CIB3: variants seen among roughly 807,000 people sequenced by gnomAD.
The protein encoded by CIB3 is calcium and integrin-binding family member 3.
A neutral mutation model predicts 23.4 loss-of-function variants in CIB3; 22 were observed. The observed-to-expected ratio is 0.94, with a 90% confidence interval of 0.67 to 1.34. The LOEUF is 1.34. CIB3 is among the 40% of genes most tolerant of loss of function. The pLI is 0.00. For synonymous variants in CIB3, 93 were observed against 95.8 expected (o/e 0.97, Z 0.17); for missense variants, 258 against 247.3 (o/e 1.04, Z -0.29).
chr19:16,169,985 A>G (rs1339044305), intron 2 of CIB3, among the ~76,000 whole-genome samples: 1 of 152,090 alleles, frequency 6.6e-6, no homozygotes, highest in Non-Finnish European at 1.5e-5. Flanking sequence ...TATTTTTAGT[A>G]GCGACGGGGT....
chr19:16,171,164 TAAAA>T (rs1036046377), intron 2 of CIB3, among the ~76,000 whole-genome samples: 3 of 132,938 alleles, frequency 2.3e-5, no homozygotes, highest in Non-Finnish European at 5.0e-5. Context: ...AAATAAAAAA[TAAAA>T]AAGAAAGAAA....
chr19:16,169,787 A>G (rs565384319), intron 2 of CIB3, 46 bp from the exon 3 acceptor site: 58 of 1,498,138 alleles, frequency 3.9e-5, no homozygotes, highest in Non-Finnish European at 5.1e-5. Context: ...AGCAGGGAGC[A>G]GGCAAGACGC....
intron 4 of CIB3, 61 bp from the exon 5 acceptor site, chr19:16,164,974 G>T (rs2091300162): frequency 2.1e-6 from 3 of 1,421,940 alleles, no homozygotes; most frequent in African/African-American, 2.8e-5. Context: ...CCGGCTGTGG[G>T]CACATACTGT....
chr19:16,163,443 T>C (rs1171176036), intron 5 of CIB3, among the ~76,000 whole-genome samples: 2 of 152,020 alleles, frequency 1.3e-5, no homozygotes, highest in African/African-American at 4.8e-5. Flanking sequence ...TAATCCCAGC[T>C]ACTCGGGAGG....
chr19:16,171,031 C>T (rs552804531), intron 2 of CIB3, among the ~76,000 whole-genome samples: 129 of 149,354 alleles, frequency 8.6e-4, no homozygotes, highest in African/African-American at 3.0e-3. Flanking sequence ...CCAGCTACTC[C>T]GGAGGCTGAG....
intron 4 of CIB3, 31 bp downstream of exon 4, chr19:16,168,106 A>T: frequency 7.2e-7 from 1 of 1,395,074 alleles, no homozygotes; most frequent in Non-Finnish European, 9.7e-7. Flanking sequence ...CCCCATCCCC[A>T]TGCTTCCCAA....
intron 4 of CIB3, among the ~76,000 whole-genome samples, chr19:16,166,159 C>T (rs911494775): frequency 3.3e-5 from 5 of 151,970 alleles, no homozygotes; most frequent in African/African-American, 9.7e-5. Flanking sequence ...GGGCGTGGTG[C>T]GGGTGCCTGT....
At chr19:16,161,715 T>C (rs2091285793) in intron 5 of CIB3, among the ~76,000 whole-genome samples, 2 of 141,958 alleles carry the variant, frequency 1.4e-5, no homozygotes, top group Non-Finnish European at 3.0e-5. Context: ...TCTTGCTCTG[T>C]CTCCCAGGCT....
chr19:16,168,401 C>A, intron 3 of CIB3, 117 bp from the exon 4 acceptor site: 2 of 1,353,114 alleles, frequency 1.5e-6, no homozygotes, highest in South Asian at 1.4e-5. Context: ...TCCATCAAGA[C>A]CCACTCCCTC....
In CIB3 at chr19:16,164,737, G is replaced by A. The variant is rs199903417; in HGVS notation, c.523C>T (p.Arg175Trp). ...CATCACCTGAGGAAGTCTGGTGCCCGGAGGATCATGTTCTGGAAATCTTCC... is the reference window on the plus strand; with the variant it reads ...CATCACCTGAGGAAGTCTGGTGCCCAGAGGATCATGTTCTGGAAATCTTCC... ...SLEDFQNMIL[R>W]APDFLSTFHI... The change falls in exon 5 of 6, where the codon CGG becomes TGG. Residue 175 changes from arginine to tryptophan, a missense_variant. Arg to Trp is a moderately radical substitution (Grantham distance 101, BLOSUM62 -3). Transcript: ENST00000269878. 2.4e-5 allele frequency: 39 copies of A among 1,613,926 alleles called. No homozygotes were observed. Among genetic ancestry groups the A allele is most frequent in the Admixed American group, 2.0e-4 (12 of 59,964 alleles).
chr19:16,173,119 A>G, intron 2 of CIB3, 43 bp downstream of exon 2: 1 of 1,613,106 alleles, frequency 6.2e-7, no homozygotes, highest in African/African-American at 1.3e-5. Flanking sequence ...ATGAATAGAA[A>G]GTTGTTTTTC....
chr19:16,171,257 T>G (rs931082733), intron 2 of CIB3, among the ~76,000 whole-genome samples: 15 of 152,134 alleles, frequency 9.9e-5, no homozygotes, highest in African/African-American at 3.6e-4. Flanking sequence ...AGTCACATTT[T>G]TTCTAAAGGG....
At chr19:16,172,121 C>T (rs139514950) in intron 2 of CIB3, among the ~76,000 whole-genome samples, 60 of 152,358 alleles carry the variant, frequency 3.9e-4, no homozygotes, top group African/African-American at 1.4e-3. Flanking sequence ...CCTGGGCTCC[C>T]AGCCTCAAGT....
chr19:16,162,529 A>G (rs1261227441), intron 5 of CIB3, among the ~76,000 whole-genome samples: 1 of 152,186 alleles, frequency 6.6e-6, no homozygotes, highest in Non-Finnish European at 1.5e-5. Flanking sequence ...AGATGGACAG[A>G]TCACCTGAGG....
At chr19:16,162,589 T>TA (rs1411238689) in intron 5 of CIB3, among the ~76,000 whole-genome samples, 2 of 151,290 alleles carry the variant, frequency 1.3e-5, no homozygotes, top group Non-Finnish European at 2.9e-5. Context: ...TTATCTCTAC[T>TA]AAAAAAATAC....
chr19:16,161,991 T>G (rs141270999), intron 5 of CIB3, among the ~76,000 whole-genome samples: 151 of 152,006 alleles, frequency 9.9e-4, no homozygotes, highest in African/African-American at 3.6e-3. Context: ...TGCCATATGA[T>G]ATAAAGTTTC....
At chr19:16,170,887 C>A (rs992283124) in intron 2 of CIB3, among the ~76,000 whole-genome samples, 5 of 150,672 alleles carry the variant, frequency 3.3e-5, no homozygotes, top group African/African-American at 9.8e-5. Flanking sequence ...GCCTGTAATT[C>A]CAGCACTTTG....
chr19:16,168,077 A>ACCCAGTTCCCACTCC lies in CIB3; in HGVS notation c.346+45_346+59dup, dbSNP rs1599436083. 3 of 1,403,828 alleles carry ACCCAGTTCCCACTCC rather than the reference A, an allele frequency of 2.1e-6. No homozygotes were observed. In the East Asian group the frequency reaches 7.6e-5, roughly 35 times the overall value. The allele number at this position is 1,403,828 out of a possible 1,614,324, so 87.0% of individuals were successfully genotyped here. ...GATATTTGTGATGTGGGTGCCACCC[A>ACCCAGTTCCCACTCC]CCCAGTTCCCACTCCCCACCCCATC... On this transcript the variant is annotated intron_variant, in intron 4 of 5. Transcript: ENST00000269878.
At chr19:16,170,826 A>G (rs1029926621) in intron 2 of CIB3, among the ~76,000 whole-genome samples, 2 of 151,188 alleles carry the variant, frequency 1.3e-5, no homozygotes, top group African/African-American at 2.4e-5. Context: ...CTGTCTCAAA[A>G]AAAAAAAAGA....
Sources: gnomAD v4.1 joint callset for allele counts (sites outside exome capture counted in the v4.1 genomes callset) on GRCh38, gnomAD v4.1.1 for gene constraint, MANE v1.5 for transcripts, NCBI Gene and HGNC (gene_info 2026-07-23, HGNC 2026-07-21) for gene names.